MDN1: variants seen among roughly 807,000 people sequenced by gnomAD.
The protein encoded by MDN1 is midasin AAA ATPase 1.
A neutral mutation model predicts 669.2 loss-of-function variants in MDN1; 266 were observed. That is an observed-to-expected ratio of 0.40 (90% CI 0.36 to 0.44). The LOEUF is 0.44. Ranked by LOEUF, MDN1 falls within the 20% of genes least tolerant of loss-of-function variation. The pLI, the probability that MDN1 is intolerant of heterozygous loss-of-function variation, is 1.00. For missense variants in MDN1, 5,940 were observed against 6,754.0 expected (o/e 0.88, Z 4.22); for synonymous variants, 2,385 against 2,457.1 (o/e 0.97, Z 0.87).
intron 40 of MDN1, among the ~76,000 whole-genome samples, chr6:89,722,225 G>A (rs973681570): frequency 6.6e-6 from 1 of 152,188 alleles, no homozygotes; most frequent in African/African-American, 2.4e-5. Context: ...CTTAAACACA[G>A]AATATTCTCT....
At chr6:89,741,838 C>T (rs570979674) in intron 31 of MDN1, among the ~76,000 whole-genome samples, 1 of 152,298 alleles carries the variant, frequency 6.6e-6, no homozygotes, top group Non-Finnish European at 1.5e-5. Flanking sequence ...CAGTGGCTCA[C>T]GCCTGTAATC....
At chr6:89,786,949 T>C (rs1298538005) in intron 8 of MDN1, among the ~76,000 whole-genome samples, 1 of 116,520 alleles carries the variant, frequency 8.6e-6, no homozygotes, top group Admixed American at 9.0e-5. Flanking sequence ...AAAAAAAAAG[T>C]AACAGGGTCA....
At position 89,746,604 on chromosome 6, in the gene MDN1, AAAAAAAAAAAGAAAG is replaced by A. The variant is rs1189901399; in HGVS notation, c.3904+710_3904+724del. On this transcript the variant is annotated intron_variant, in intron 27 of 101. Coordinates refer to ENST00000369393, the MANE Select transcript of MDN1 (RefSeq NM_014611.3). ...GGGAGACTCTATCTCAAAAAAAAAA[AAAAAAAAAAAGAAAG>A]AAAGAAAGAAAGAAAGAAAGAAAGA... 1.8e-4 allele frequency among the ~76,000 whole-genome samples: 12 copies of A among 64,892 alleles called. 1 individual carries two copies. In the East Asian group the frequency reaches 1.9e-3, roughly 10 times the overall value. 42.6% of individuals were successfully genotyped at this position (64,892 alleles called of 152,430 possible).
At position 89,718,489 on chromosome 6, in the gene MDN1, A is replaced by T; in HGVS notation, c.6460T>A (p.Tyr2154Asn). The T allele has an allele frequency of 6.2e-7, 1 of 1,614,180 alleles. No individual in the cohort carries two copies. Among genetic ancestry groups the T allele is most frequent in the Non-Finnish European group, 8.5e-7 (1 of 1,180,030 alleles). The change falls in exon 43 of 102, where the codon TAT becomes AAT. Residue 2154 changes from tyrosine to asparagine, a missense_variant. By Grantham distance (143) the Tyr-to-Asn change is moderately radical. Transcript: ENST00000369393. ...CCTTCTCCAAGACACTTAGGCTTATATGTCAGAAGAAAATGACTCCAGGCT... is the reference window on the plus strand; with the variant it reads ...CCTTCTCCAAGACACTTAGGCTTATTTGTCAGAAGAAAATGACTCCAGGCT... ...LRAWSHFLLTYKPKCLGEGGK... is the reference protein window; with the variant it reads ...LRAWSHFLLTNKPKCLGEGGK...
intron 19 of MDN1, among the ~76,000 whole-genome samples, chr6:89,756,645 G>A (rs118098296): frequency 0.023 from 3,435 of 152,244 alleles, 57 homozygotes; most frequent in Non-Finnish European, 0.033. Context: ...TACAAAAGCC[G>A]GGTGCGGTGG....
chr6:89,752,894 G>A (rs941405281), intron 22 of MDN1, among the ~76,000 whole-genome samples: 1 of 152,154 alleles, frequency 6.6e-6, no homozygotes, highest in African/African-American at 2.4e-5. Flanking sequence ...GGAGGCCGAG[G>A]TGGACGGATC....
In MDN1 at chr6:89,654,199, G is replaced by A; in HGVS notation, c.15626C>T (p.Pro5209Leu). 6.2e-7 allele frequency: 1 copy of A among 1,614,194 alleles called. No homozygotes were observed. Among genetic ancestry groups the A allele is most frequent in the Non-Finnish European group, 8.5e-7 (1 of 1,180,028 alleles). Residue 5209 changes from proline (P) to leucine (L), a missense_variant, in exon 93 of 102, where the codon CCA becomes CTA. Pro to Leu is a moderately conservative substitution (Grantham distance 98). Around this residue, in one of 5 missense-constraint regions of MDN1, gnomAD observed 2,280 missense variants for 2,576.3 expected, o/e 0.88. Transcript: ENST00000369393. ...TGTGGTGCCCGACTTGATTTCCTCTGGCTTCAGCTGCTCCACGTCTGCTGC... is the reference window on the plus strand; with the variant it reads ...TGTGGTGCCCGACTTGATTTCCTCTAGCTTCAGCTGCTCCACGTCTGCTGC... ...FKAADVEQLK[P>L]EEIKSGTTAP...
intron 35 of MDN1, among the ~76,000 whole-genome samples, chr6:89,730,292 G>A (rs1361136776): frequency 6.6e-6 from 1 of 152,158 alleles, no homozygotes; most frequent in Non-Finnish European, 1.5e-5. Flanking sequence ...CCAGGGACCG[G>A]ATCAGGAATG....
rs1813048863 is a variant in MDN1, at chr6:89,700,129, T to TC, written c.8803dup (p.Glu2935GlyfsTer14). 1 of 1,614,064 alleles carries TC rather than the reference T, an allele frequency of 6.2e-7. No individual in the cohort carries two copies. The stretch of plus-strand genomic sequence containing the variant: ...GTACCGCCAAAGCATAGCCAGGTAC[T>TC]CCATTGCAGGCCACAACTGAACACT... On this transcript the variant is annotated frameshift_variant, in exon 57 of 102. Transcript: ENST00000369393. LOFTEE classifies it high-confidence loss of function.
At chr6:89,809,410 C>CA (rs1768232433) in intron 1 of MDN1, among the ~76,000 whole-genome samples, 1 of 151,734 alleles carries the variant, frequency 6.6e-6, no homozygotes, top group Non-Finnish European at 1.5e-5. Flanking sequence ...GCAGGCAGAT[C>CA]ACTTGAGCCC....
rs1244288258 is a variant in MDN1 at position 89,761,741 on chromosome 6, G to C, written c.2364C>G (p.Leu788=). The change falls in exon 17 of 102, where the codon CTC becomes CTG. Residue 788 remains leucine, a synonymous_variant. Transcript: ENST00000369393. ...CAAATGCTTCCCATTTCTCTTTTATGAGTAACCCTAAAAAAGAAAGACAAG... is the reference window on the plus strand; with the variant it reads ...CAAATGCTTCCCATTTCTCTTTTATCAGTAACCCTAAAAAAGAAAGACAAG... ...KDGKDSETGL[L]IKEKWEAFGL... is the part of the protein sequence containing the mutation. 2 of 1,602,430 alleles carry C rather than the reference G, an allele frequency of 1.2e-6. No homozygotes were observed. The highest frequency in any genetic ancestry group is 2.2e-5 in the South Asian group (2 of 89,630).
chr6:89,750,373 C>A lies in MDN1; in HGVS notation c.3387G>T (p.Gly1129=). 6.2e-7 allele frequency: 1 copy of A among 1,610,888 alleles called. No individual in the cohort carries two copies. Among genetic ancestry groups the A allele is most frequent in the South Asian group, 1.1e-5 (1 of 90,886 alleles). The change falls in exon 24 of 102, where the codon GGG becomes GGT. Residue 1129 remains glycine, a synonymous_variant. Transcript: ENST00000369393. The part of the protein sequence containing the change: ...YIGCYTSDSS[G]KLVFKEGVLI... ...CCCTACCTTCCTTAAAGACAAGCTT[C>A]CCTGAGGAGTCAGACGTGTAACAAC...
intron 67 of MDN1, among the ~76,000 whole-genome samples, chr6:89,687,671 C>G (rs1011141496): frequency 1.3e-5 from 2 of 152,190 alleles, no homozygotes; most frequent in African/African-American, 4.8e-5. Context: ...TGTTTATAGA[C>G]TGGAGCCTGA....
At chr6:89,805,320 T>G (rs758318325) in intron 1 of MDN1, among the ~76,000 whole-genome samples, 3 of 151,992 alleles carry the variant, frequency 2.0e-5, no homozygotes, top group African/African-American at 4.8e-5. Flanking sequence ...AGCAGACAGA[T>G]CCCTTAAGCC....
At chr6:89,800,196 G>A (rs1396185797) in intron 2 of MDN1, among the ~76,000 whole-genome samples, 1 of 152,164 alleles carries the variant, frequency 6.6e-6, no homozygotes, top group African/African-American at 2.4e-5. Context: ...GGGAGGCCTA[G>A]GAGGGCAGAT....
Position 89,819,499 on chromosome 6 carries a change from G to C in MDN1, c.102+7C>G. 1.2e-6 allele frequency: 2 copies of C among 1,604,962 alleles called. No individual in the cohort carries two copies. Among genetic ancestry groups the C allele is most frequent in the Non-Finnish European group, 8.5e-7 (1 of 1,179,512 alleles). On this transcript the variant is annotated splice_region_variant and intron_variant, in intron 1 of 101. Coordinates refer to ENST00000369393, the MANE Select transcript of MDN1 (RefSeq NM_014611.3). ...TCCGGCGCTTTCCCTCTCCCTTCACGTCTTACCTGCTTGGCCAAGAACCTG... is the reference window on the plus strand; with the variant it reads ...TCCGGCGCTTTCCCTCTCCCTTCACCTCTTACCTGCTTGGCCAAGAACCTG...
At chr6:89,736,723 G>A (rs550016144) in intron 33 of MDN1, among the ~76,000 whole-genome samples, 10 of 152,322 alleles carry the variant, frequency 6.6e-5, no homozygotes, top group African/African-American at 2.4e-4. Context: ...GGGCCCAGGA[G>A]GTCAAGGCCG....
At chr6:89,677,421 G>T in intron 76 of MDN1, 149 bp downstream of exon 76, 1 of 902,636 alleles carries the variant, frequency 1.1e-6, no homozygotes. Flanking sequence ...TGTCCATCAG[G>T]AGTCAGATCC....
chr6:89,781,889 C>G lies in MDN1; in HGVS notation c.1450-297G>C, dbSNP rs543161499. 3.3e-5 allele frequency among the ~76,000 whole-genome samples: 5 copies of G among 152,230 alleles called. No homozygotes were observed. In the East Asian group the frequency reaches 7.7e-4, roughly 24 times the overall value. ...AGTCCCAGGTACTCAGCAGGCTGAG[C>G]AGGGAGGATCATCTGAGACTGGGAG... On this transcript the variant is annotated intron_variant, in intron 9 of 101. Coordinates refer to ENST00000369393, the MANE Select transcript of MDN1 (RefSeq NM_014611.3).
Sources: gnomAD v4.1 joint callset for allele counts (sites outside exome capture counted in the v4.1 genomes callset) on GRCh38, gnomAD v4.1.1 for gene constraint, gnomAD v4.1.1 regional missense constraint, MANE v1.5 for transcripts, NCBI Gene and HGNC (gene_info 2026-07-23, HGNC 2026-07-21) for gene names.